Variants in GALNT13 observed in about 807,000 individuals in gnomAD.
The protein encoded by GALNT13 is UDP-GalNAc:polypeptide N-acetylgalactosaminyltransferase 13.
A neutral mutation model predicts 64.2 loss-of-function variants in GALNT13; 28 were observed. The ratio of observed to expected loss-of-function variants is 0.44; its 90% CI spans 0.32 to 0.60. The LOEUF is 0.60. Among genes scored for constraint, GALNT13 ranks in the 20% least tolerant of loss-of-function variants. The pLI is 0.05. For synonymous variants in GALNT13, 214 were observed against 224.6 expected (o/e 0.95, Z 0.42); for missense variants, 577 against 669.8 (o/e 0.86, Z 1.53).
the GALNT13 span, among the ~76,000 whole-genome samples, chr2:153,390,421 T>C: frequency 4.6e-5 from 7 of 151,890 alleles, no homozygotes; most frequent in African/African-American, 1.5e-4. Context: ...GTAACAAAAC[T>C]GAATGTTCTG....
At chr2:154,096,223 A>C (rs892031052) in intron 3 of GALNT13, among the ~76,000 whole-genome samples, 3 of 152,034 alleles carry the variant, frequency 2.0e-5, no homozygotes, top group African/African-American at 7.2e-5. Context: ...GTGTTTCTTC[A>C]TCCCCATCAC....
rs1251631221 is a variant in GALNT13, at chr2:154,271,336, G to A, written c.975+12198G>A. ...ATATCTATGCTAGCTTGTAACAGCT[G>A]TCTTGGAACTAAACAAACTAAAAAT... On this transcript the variant is annotated intron_variant, in intron 8 of 12. Transcript: ENST00000392825. Among the ~76,000 whole-genome samples the A allele has an allele frequency of 2.6e-5, 4 of 151,988 alleles. No homozygotes were observed. The South Asian group carries it at 8.3e-4, about 31-fold the overall frequency.
rs59526662 is a variant in GALNT13 at position 154,139,621 on chromosome 2, AACACACACACAC to A, written c.143-695_143-684del. Among the ~76,000 whole-genome samples, 287 of 147,534 alleles carry A rather than the reference AACACACACACAC, an allele frequency of 1.9e-3. 3 individuals are homozygous for A. In the South Asian group the frequency reaches 0.02, roughly 10 times the overall value. ...AGCATGCATACAGGTATGTGTAGGC[AACACACACACAC>A]ACACACACACACACACACACCCCTT... On this transcript the variant is annotated intron_variant, in intron 3 of 12. Transcript: ENST00000392825.
chr2:153,837,930 T>G, the GALNT13 span, among the ~76,000 whole-genome samples: 51 of 152,134 alleles, frequency 3.4e-4, no homozygotes, highest in African/African-American at 1.1e-3. Context: ...TCACCAATAT[T>G]TATTATCATT....
the GALNT13 span, among the ~76,000 whole-genome samples, chr2:153,600,401 T>C: frequency 1.3e-5 from 2 of 152,030 alleles, no homozygotes; most frequent in Admixed American, 1.3e-4. Context: ...ATATATCAAT[T>C]AGCACTTTTG....
the GALNT13 span, among the ~76,000 whole-genome samples, chr2:153,722,975 A>C: frequency 6.6e-6 from 1 of 152,074 alleles, no homozygotes; most frequent in Non-Finnish European, 1.5e-5. Context: ...TCATTCTGAT[A>C]CCAAAGCCGG....
chr2:153,642,944 C>T, the GALNT13 span, among the ~76,000 whole-genome samples: 1 of 151,326 alleles, frequency 6.6e-6, no homozygotes, highest in Non-Finnish European at 1.5e-5. Flanking sequence ...AAACACACAT[C>T]TAAATAATTG....
chr2:153,879,729 A>G (rs372121743), intron 1 of GALNT13, among the ~76,000 whole-genome samples: 3 of 152,114 alleles, frequency 2.0e-5, no homozygotes, highest in African/African-American at 7.2e-5. Flanking sequence ...ACAGATTTCT[A>G]TGTCTTTTCC....
chr2:153,099,226 G>A, the GALNT13 span, among the ~76,000 whole-genome samples: 7 of 152,126 alleles, frequency 4.6e-5, no homozygotes, highest in South Asian at 4.1e-4. Context: ...GCAAGTGACC[G>A]ACTTGAAATT....
At chr2:154,344,681 C>G (rs149623245) in intron 9 of GALNT13, among the ~76,000 whole-genome samples, 1 of 151,948 alleles carries the variant, frequency 6.6e-6, no homozygotes, top group Admixed American at 6.6e-5. Flanking sequence ...TTAAATGATA[C>G]AATCTTGCAA....
the GALNT13 span, among the ~76,000 whole-genome samples, chr2:153,230,396 A>G: frequency 6.6e-6 from 1 of 152,232 alleles, no homozygotes; most frequent in South Asian, 2.1e-4. Context: ...CCTGCACTGC[A>G]CACCATTCTT....
At chr2:154,075,624 A>G (rs1221194089) in intron 3 of GALNT13, among the ~76,000 whole-genome samples, 3 of 151,788 alleles carry the variant, frequency 2.0e-5, no homozygotes, top group Non-Finnish European at 4.4e-5. Flanking sequence ...TTTTGAATAT[A>G]TCCGTAATTC....
the GALNT13 span, among the ~76,000 whole-genome samples, chr2:153,319,640 A>G: frequency 1.3e-5 from 2 of 152,168 alleles, no homozygotes; most frequent in South Asian, 2.1e-4. Context: ...TCCATCCTAT[A>G]TGTGTAGTTC....
chr2:153,243,082 C>T, the GALNT13 span, among the ~76,000 whole-genome samples: 2 of 152,156 alleles, frequency 1.3e-5, no homozygotes, highest in African/African-American at 4.8e-5. Context: ...TCTTCACATG[C>T]TTGGATCAGA....
chr2:154,273,312 G>T (rs1331913055), intron 8 of GALNT13, among the ~76,000 whole-genome samples: 1 of 152,094 alleles, frequency 6.6e-6, no homozygotes, highest in Non-Finnish European at 1.5e-5. Flanking sequence ...AGGATTTGCA[G>T]GGGGGAACAT....
At chr2:154,193,971 A>G (rs1686738291) in intron 4 of GALNT13, among the ~76,000 whole-genome samples, 1 of 152,210 alleles carries the variant, frequency 6.6e-6, no homozygotes, top group African/African-American at 2.4e-5. Context: ...AATGGTAAGC[A>G]ACCAATAGAT....
intron 2 of GALNT13, among the ~76,000 whole-genome samples, chr2:153,912,738 C>A (rs1021484714): frequency 6.6e-6 from 1 of 152,200 alleles, no homozygotes; most frequent in East Asian, 1.9e-4. Context: ...TTATTGGGCA[C>A]TGGCTTTGTT....
At chr2:154,079,628 C>A (rs1701168622) in intron 3 of GALNT13, among the ~76,000 whole-genome samples, 1 of 151,444 alleles carries the variant, frequency 6.6e-6, no homozygotes, top group South Asian at 2.1e-4. Flanking sequence ...TTATTCGTCC[C>A]TCATGATGAG....
the GALNT13 span, among the ~76,000 whole-genome samples, chr2:153,199,278 G>A: frequency 6.6e-6 from 1 of 152,198 alleles, no homozygotes; most frequent in Non-Finnish European, 1.5e-5. Context: ...TCGTGTCAGA[G>A]GCAAGGAAAG....
Sources: gnomAD v4.1 joint callset for allele counts (sites outside exome capture counted in the v4.1 genomes callset) on GRCh38, gnomAD v4.1.1 for gene constraint, MANE v1.5 for transcripts, NCBI Gene and HGNC (gene_info 2026-07-23, HGNC 2026-07-21) for gene names.